LRRC49: variants seen among roughly 807,000 people sequenced by gnomAD.
The protein encoded by LRRC49 is leucine-rich repeat-containing protein 49.
LRRC49 carries 50 observed loss-of-function variants against 83.3 expected under a neutral mutation model. The ratio of observed to expected loss-of-function variants is 0.60; its 90% CI spans 0.48 to 0.76. The LOEUF (loss-of-function observed/expected upper bound fraction) is 0.76, where lower values mean the gene tolerates loss of function less well. Among genes scored for constraint, LRRC49 ranks in the 30% least tolerant of loss-of-function variants. The pLI is 0.00. For missense variants in LRRC49, 704 were observed against 809.1 expected, an observed-to-expected ratio of 0.87 and a Z score of 1.58; for synonymous variants, 286 against 283.3, an observed-to-expected ratio of 1.01 and a Z score of -0.10.
At chr15:71,048,354 C>A (rs2039918158) in intron 15 of LRRC49, among the ~76,000 whole-genome samples, 1 of 152,110 alleles carries the variant, frequency 6.6e-6, no homozygotes, top group East Asian at 1.9e-4. Context: ...CTTGGCCTCC[C>A]AAAGTGCTGG....
chr15:71,036,909 T>C (rs1446989669), intron 14 of LRRC49, among the ~76,000 whole-genome samples: 1 of 152,150 alleles, frequency 6.6e-6, no homozygotes, highest in African/African-American at 2.4e-5. Flanking sequence ...TTGTGTTGAT[T>C]TTTATTAAAG....
At chr15:71,039,678 T>C (rs1247035478) in intron 15 of LRRC49, among the ~76,000 whole-genome samples, 2 of 152,202 alleles carry the variant, frequency 1.3e-5, no homozygotes, top group Non-Finnish European at 2.9e-5. Context: ...TAAAAAAATG[T>C]TTTCAATCTG....
chr15:70,937,300 C>T (rs1180807162), intron 8 of LRRC49, among the ~76,000 whole-genome samples: 1 of 152,166 alleles, frequency 6.6e-6, no homozygotes, highest in Non-Finnish European at 1.5e-5. Context: ...TGCTAAGAGA[C>T]AGTGGATTAG....
intron 1 of LRRC49, among the ~76,000 whole-genome samples, chr15:70,860,331 G>A (rs930309223): frequency 1.3e-5 from 2 of 152,194 alleles, no homozygotes; most frequent in African/African-American, 2.4e-5. Flanking sequence ...CCTTACCCAT[G>A]CCTCCAGCTA....
At chr15:71,042,563 A>G (rs2039728748) in intron 15 of LRRC49, among the ~76,000 whole-genome samples, 1 of 152,164 alleles carries the variant, frequency 6.6e-6, no homozygotes, top group Admixed American at 6.5e-5. Flanking sequence ...GCATTCCTTC[A>G]CTTATACCAT....
At chr15:70,903,943 A>C (rs1007977079) in intron 4 of LRRC49, among the ~76,000 whole-genome samples, 1 of 152,204 alleles carries the variant, frequency 6.6e-6, no homozygotes, top group Non-Finnish European at 1.5e-5. Flanking sequence ...AGTGTTGAGC[A>C]TGTAAACATA....
intron 14 of LRRC49, among the ~76,000 whole-genome samples, chr15:71,014,984 A>G (rs2038778186): frequency 6.6e-6 from 1 of 152,182 alleles, no homozygotes; most frequent in South Asian, 2.1e-4. Context: ...AAAGTTGAAC[A>G]TCTATTAAAC....
At chr15:70,986,201 T>C (rs1450995902) in intron 11 of LRRC49, among the ~76,000 whole-genome samples, 4 of 151,984 alleles carry the variant, frequency 2.6e-5, no homozygotes, top group African/African-American at 9.7e-5. Flanking sequence ...GGGGATGGCA[T>C]TGAATCTATA....
intron 6 of LRRC49, chr15:70,918,388 G>T (rs1452124845): frequency 6.6e-6 from 1 of 152,216 alleles, no homozygotes; most frequent in Non-Finnish European, 1.5e-5. Flanking sequence ...ACACCCCAAA[G>T]ATCCTGTAAC....
At chr15:70,897,207 C>G (rs957655304) in intron 3 of LRRC49, among the ~76,000 whole-genome samples, 1 of 151,994 alleles carries the variant, frequency 6.6e-6, no homozygotes, top group Non-Finnish European at 1.5e-5. Context: ...GCTGGCCAGG[C>G]AAACTTATTT....
At chr15:70,974,750 G>T (rs1302432643) in intron 9 of LRRC49, among the ~76,000 whole-genome samples, 1 of 150,356 alleles carries the variant, frequency 6.7e-6, no homozygotes, top group Non-Finnish European at 1.5e-5. Flanking sequence ...AACAAAGAAG[G>T]ATATGAGATA....
intron 10 of LRRC49, among the ~76,000 whole-genome samples, chr15:70,982,304 T>C (rs911920481): frequency 6.6e-6 from 1 of 152,126 alleles, no homozygotes; most frequent in African/African-American, 2.4e-5. Flanking sequence ...ATTAACTCAC[T>C]GCCCTGGCCT....
chr15:70,944,722 C>A (rs182349155), intron 8 of LRRC49, among the ~76,000 whole-genome samples: 90 of 152,240 alleles, frequency 5.9e-4, no homozygotes, highest in East Asian at 1.4e-3. Flanking sequence ...CCATATTGCT[C>A]TTATCATTTC....
At chr15:70,962,079 T>C (rs1198604806) in intron 8 of LRRC49, among the ~76,000 whole-genome samples, 1 of 152,210 alleles carries the variant, frequency 6.6e-6, no homozygotes, top group South Asian at 2.1e-4. Flanking sequence ...CATTGTACTT[T>C]AGTTGATAAA....
chr15:71,009,345 T>C (rs1213511330), intron 12 of LRRC49, among the ~76,000 whole-genome samples: 3 of 151,980 alleles, frequency 2.0e-5, no homozygotes, highest in Admixed American at 2.0e-4. Flanking sequence ...ATAACTATCC[T>C]ACGTAGTGTT....
At chr15:70,866,886 G>A (rs1436895280) in intron 1 of LRRC49, among the ~76,000 whole-genome samples, 4 of 151,882 alleles carry the variant, frequency 2.6e-5, no homozygotes, top group Admixed American at 2.6e-4. Flanking sequence ...GATTGGGGTT[G>A]GAAAGTTGAA....
intron 1 of LRRC49, among the ~76,000 whole-genome samples, chr15:70,864,381 A>T (rs1208157099): frequency 6.6e-6 from 1 of 151,328 alleles, no homozygotes; most frequent in Non-Finnish European, 1.5e-5. Flanking sequence ...GGGCACCAGG[A>T]TGGATGAGGC....
At chr15:71,029,637 G>C (rs2039285916) in intron 14 of LRRC49, among the ~76,000 whole-genome samples, 1 of 152,154 alleles carries the variant, frequency 6.6e-6, no homozygotes, top group African/African-American at 2.4e-5. Context: ...GTCTCCCACT[G>C]TTACTGTGTG....
At chr15:70,957,464 A>G (rs1437724746) in intron 8 of LRRC49, among the ~76,000 whole-genome samples, 1 of 152,230 alleles carries the variant, frequency 6.6e-6, no homozygotes, top group African/African-American at 2.4e-5. Context: ...ATAAAAGTGT[A>G]AGAAAATTCA....
Sources: gnomAD v4.1 joint callset for allele counts (sites outside exome capture counted in the v4.1 genomes callset) on GRCh38, gnomAD v4.1.1 for gene constraint, MANE v1.5 for transcripts, NCBI Gene and HGNC (gene_info 2026-07-23, HGNC 2026-07-21) for gene names.